Variants in GAS5 observed in about 807,000 individuals in gnomAD.
GAS5 encodes the protein growth arrest specific 5, also known as growth arrest specific 5 (non-protein coding).
upstream of GAS5, among the ~76,000 whole-genome samples, chr1:173,868,603 CG>C (rs1413105154): frequency 1.3e-5 from 2 of 152,188 alleles, no homozygotes; most frequent in African/African-American, 2.4e-5. Flanking sequence ...CGCCCCCTCG[CG>C]GGGCCCCTCC....
At chr1:173,866,373 T>C (rs1258323844) in intron 3 of GAS5, 2 of 534,392 alleles carry the variant, frequency 3.7e-6, no homozygotes, top group South Asian at 2.8e-5. Context: ...TAGTATCTGT[T>C]TTCACATTTT....
chr1:173,864,019 T>C (rs771577789), intron 7 of GAS5: 5 of 356,568 alleles, frequency 1.4e-5, no homozygotes, highest in Admixed American at 3.3e-5. Context: ...GCCCAGAAGT[T>C]TGAGGCTGTA....
At chr1:173,866,091 T>C (rs758213780) in intron 4 of GAS5, 6 of 518,228 alleles carry the variant, frequency 1.2e-5, no homozygotes, top group Non-Finnish European at 1.9e-5. Flanking sequence ...ATTTAATGCA[T>C]TCAGCACTAG....
At chr1:173,867,040 A>G in exon 1 of GAS5, 1 of 734,028 alleles carries the variant, frequency 1.4e-6, no homozygotes. Context: ...ACCCAGCACC[A>G]TACCTAAAGA....
chr1:173,868,597 C>T (rs1039256500), upstream of GAS5, among the ~76,000 whole-genome samples: 6 of 152,218 alleles, frequency 3.9e-5, no homozygotes, highest in African/African-American at 1.4e-4. Context: ...CGGACCCGCC[C>T]CCTCGCGGGG....
At chr1:173,865,691 C>G (rs775293030) in intron 5 of GAS5, 1 of 519,222 alleles carries the variant, frequency 1.9e-6, no homozygotes, top group Non-Finnish European at 3.8e-6. Flanking sequence ...TTACACAAAC[C>G]CCGTTCCAAA....
chr1:173,864,150 A>G (rs1189565828), intron 7 of GAS5: 3 of 517,552 alleles, frequency 5.8e-6, no homozygotes, highest in Admixed American at 1.9e-5. Flanking sequence ...GGAATGCAGA[A>G]TATCAGATAT....
chr1:173,864,717 G>A (rs1317745980), intron 6 of GAS5: 4 of 468,520 alleles, frequency 8.5e-6, no homozygotes, highest in African/African-American at 4.0e-5. Context: ...GAAATTAAGG[G>A]ACAATACACA....
rs773178650 is a variant in GAS5 at position 173,866,936 on chromosome 1, G to A, written n.55+55C>T. ...GTCCACTACTCTTAAAGCATCACAG[G>A]CTGAGACCACCTCTTAGATTTCATT... On this transcript the variant is annotated intron_variant and non_coding_transcript_variant, in intron 1 of 7. Transcript: ENST00000651080. The A allele has an allele frequency of 2.6e-5, 20 of 765,278 alleles. No homozygotes were observed. In the East Asian group the frequency reaches 4.8e-4, roughly 19 times the overall value. The allele number at this position is 765,278 out of a possible 1,614,324, so 47.4% of individuals were successfully genotyped here. A position where few individuals can be genotyped will look rare whatever the true frequency, so the allele number is the denominator to read the frequency against.
chr1:173,865,447 C>A (rs374111737), intron 6 of GAS5: 1 of 512,772 alleles, frequency 2.0e-6, no homozygotes, highest in Admixed American at 2.0e-5. Flanking sequence ...AATCAATTAA[C>A]GTTAACATCA....
chr1:173,867,639 CT>C, upstream of GAS5: 1 of 519,050 alleles, frequency 1.9e-6, no homozygotes. Flanking sequence ...GGTCACGGCC[CT>C]TAACAATAGC....
intron 6 of GAS5, chr1:173,865,365 A>G: frequency 1.9e-6 from 1 of 514,256 alleles, no homozygotes. Flanking sequence ...TCAGTTTAAG[A>G]TTAATCTCCA....
At chr1:173,867,235 G>C, upstream of GAS5, 1 of 529,168 alleles carries the variant, frequency 1.9e-6, no homozygotes, top group East Asian at 3.0e-5. Flanking sequence ...ACCACCGATG[G>C]CGGCCGGGCG....
At chr1:173,867,790 C>G (rs537356394), upstream of GAS5, 5 of 518,990 alleles carry the variant, frequency 9.6e-6, no homozygotes, top group South Asian at 7.0e-5. Flanking sequence ...CTAACATAGT[C>G]GCAGCTTAGG....
exon 3 of GAS5, chr1:173,866,552 G>A: frequency 1.3e-6 from 1 of 744,506 alleles, no homozygotes; most frequent in Non-Finnish European, 2.5e-6. Flanking sequence ...CTTGAGTTAG[G>A]CTTGCTCTTT....
At chr1:173,864,906 C>T (rs1333628406) in intron 6 of GAS5, 6 of 518,654 alleles carry the variant, frequency 1.2e-5, no homozygotes, top group African/African-American at 1.9e-5. Context: ...ATCATTGTAT[C>T]GGCTTTACAA....
At chr1:173,865,156 C>T (rs74609518) in intron 6 of GAS5, 10,544 of 337,140 alleles carry the variant, frequency 0.031, 1,133 homozygotes, top group African/African-American at 0.21. Flanking sequence ...CTGATAGTGC[C>T]GCTGCACTCC....
chr1:173,867,824 T>C (rs1655047862), upstream of GAS5: 1 of 509,640 alleles, frequency 2.0e-6, no homozygotes, highest in South Asian at 1.4e-5. Context: ...ATATGTGCAA[T>C]CCCCCACCAT....
intron 6 of GAS5, chr1:173,864,728 G>A (rs1228111685): frequency 4.1e-6 from 2 of 491,468 alleles, no homozygotes; most frequent in Middle Eastern, 3.4e-4. Flanking sequence ...ACAATACACA[G>A]TAAGACAACT....
Sources: gnomAD v4.1 joint callset for allele counts (sites outside exome capture counted in the v4.1 genomes callset) on GRCh38, gnomAD v4.1.1 for gene constraint, MANE v1.5 for transcripts, NCBI Gene and HGNC (gene_info 2026-07-23, HGNC 2026-07-21) for gene names.